NOVA1: variants seen among roughly 807,000 people sequenced by gnomAD.
The protein encoded by NOVA1 is RNA-binding protein Nova-1.
A neutral mutation model predicts 38.0 loss-of-function variants in NOVA1; 7 were observed. The ratio of observed to expected loss-of-function variants is 0.18; its 90% CI spans 0.10 to 0.35. The LOEUF is 0.35. NOVA1 is among the 10% of genes least tolerant of loss of function. The pLI is 1.00. For synonymous variants in NOVA1, 270 were observed against 232.5 expected (o/e 1.16, Z -1.47); for missense variants, 460 against 616.0 (o/e 0.75, Z 2.68).
intron 2 of NOVA1, among the ~76,000 whole-genome samples, chr14:26,586,784 T>A (rs1020606321): frequency 2.6e-5 from 4 of 151,122 alleles, no homozygotes; most frequent in Non-Finnish European, 5.9e-5. Context: ...ATATAACCTA[T>A]GATATCCTTT....
chr14:26,515,944 C>T (rs1017116370), intron 2 of NOVA1, among the ~76,000 whole-genome samples: 11 of 151,944 alleles, frequency 7.2e-5, no homozygotes, highest in African/African-American at 2.4e-4. Flanking sequence ...AGAACACAAA[C>T]GTATGTTCAA....
At chr14:26,511,539 G>A (rs1031130035) in intron 2 of NOVA1, among the ~76,000 whole-genome samples, 3 of 151,942 alleles carry the variant, frequency 2.0e-5, no homozygotes, top group Admixed American at 2.0e-4. Flanking sequence ...AGGCTGAGGC[G>A]GGCAGATCAC....
intron 2 of NOVA1, among the ~76,000 whole-genome samples, chr14:26,520,174 T>C (rs961588642): frequency 3.3e-5 from 5 of 152,354 alleles, no homozygotes; most frequent in Admixed American, 1.3e-4. Flanking sequence ...TCATGTAAAG[T>C]TGACCTTTCA....
intron 2 of NOVA1, among the ~76,000 whole-genome samples, chr14:26,577,083 A>G (rs550842185): frequency 6.6e-6 from 1 of 152,144 alleles, no homozygotes; most frequent in South Asian, 2.1e-4. Flanking sequence ...TAGATTCCAC[A>G]TACAAATAAG....
intron 2 of NOVA1, among the ~76,000 whole-genome samples, chr14:26,543,984 C>A (rs141242513): frequency 4.5e-4 from 69 of 151,984 alleles, no homozygotes; most frequent in Non-Finnish European, 8.0e-4. Context: ...AGAATTTAGT[C>A]TATGATCTAG....
intron 2 of NOVA1, among the ~76,000 whole-genome samples, chr14:26,539,543 G>GTATA (rs1890319616): frequency 6.6e-6 from 1 of 151,878 alleles, no homozygotes; most frequent in Non-Finnish European, 1.5e-5. Flanking sequence ...ATATATATGT[G>GTATA]TATATGCCTT....
At chr14:26,576,626 T>C (rs1327618899) in intron 2 of NOVA1, among the ~76,000 whole-genome samples, 1 of 151,828 alleles carries the variant, frequency 6.6e-6, no homozygotes, top group Non-Finnish European at 1.5e-5. Flanking sequence ...TATATACACA[T>C]ACCACCTGAT....
At chr14:26,540,891 G>C (rs1469402583) in intron 2 of NOVA1, among the ~76,000 whole-genome samples, 1 of 152,182 alleles carries the variant, frequency 6.6e-6, no homozygotes, top group African/African-American at 2.4e-5. Context: ...AGGAAATACA[G>C]TGGTAAAACT....
chr14:26,535,594 T>C (rs116135125), intron 2 of NOVA1, among the ~76,000 whole-genome samples: 3 of 152,120 alleles, frequency 2.0e-5, no homozygotes, highest in African/African-American at 7.2e-5. Context: ...CAAAAAAATT[T>C]AGCATGATTA....
At chr14:26,510,758 G>C (rs1366840203) in intron 2 of NOVA1, among the ~76,000 whole-genome samples, 2 of 151,938 alleles carry the variant, frequency 1.3e-5, no homozygotes, top group Admixed American at 6.6e-5. Flanking sequence ...AAAACTTTTT[G>C]GTTTCTCCTC....
chr14:26,573,528 G>C (rs762609302), intron 2 of NOVA1, among the ~76,000 whole-genome samples: 7 of 151,922 alleles, frequency 4.6e-5, no homozygotes, highest in Non-Finnish European at 1.0e-4. Flanking sequence ...AGATCCAAAA[G>C]AATGAGATAA....
chr14:26,568,049 T>C (rs368893009), intron 2 of NOVA1, among the ~76,000 whole-genome samples: 4 of 152,286 alleles, frequency 2.6e-5, no homozygotes, highest in African/African-American at 7.2e-5. Flanking sequence ...AAAGGGAATC[T>C]TGGGAACTGC....
At chr14:26,480,250 T>C in intron 2 of NOVA1, 107 bp from the exon 3 acceptor site, 1 of 891,090 alleles carries the variant, frequency 1.1e-6, no homozygotes, top group Admixed American at 2.8e-5. Flanking sequence ...TGCAGAACTC[T>C]AACGTAAAAC....
At chr14:26,596,519 G>C (rs577565292) in intron 1 of NOVA1, 1 of 1,279,574 alleles carries the variant, frequency 7.8e-7, no homozygotes, top group African/African-American at 1.5e-5. Context: ...GTTGTGGTGT[G>C]CCACTCAAAA....
chr14:26,475,224 G>T (rs1884888935), intron 3 of NOVA1, among the ~76,000 whole-genome samples: 2 of 151,692 alleles, frequency 1.3e-5, no homozygotes, highest in Admixed American at 6.6e-5. Flanking sequence ...TACAGACAGG[G>T]TCTCGCTTTG....
At chr14:26,564,828 C>A (rs909234827) in intron 2 of NOVA1, among the ~76,000 whole-genome samples, 7 of 152,124 alleles carry the variant, frequency 4.6e-5, no homozygotes, top group African/African-American at 1.7e-4. Flanking sequence ...TGGTAAGTCT[C>A]ATTTAGTGTT....
In NOVA1 at chr14:26,487,184, C is replaced by A. The variant is rs140265524; in HGVS notation, c.281-7041G>T. Among the ~76,000 whole-genome samples, 13 of 152,220 alleles carry A rather than the reference C, an allele frequency of 8.5e-5. No individual in the cohort carries two copies. In the East Asian group the frequency reaches 2.5e-3, roughly 29 times the overall value. ...AGTCGCAGCAATGTAGTAGTACATT[C>A]TTTCAGGGGAAAGTATATACTTAAC... On this transcript the variant is annotated intron_variant, in intron 2 of 4. Transcript: ENST00000539517.
At chr14:26,464,370 A>G (rs1883946799) in intron 4 of NOVA1, among the ~76,000 whole-genome samples, 1 of 152,230 alleles carries the variant, frequency 6.6e-6, no homozygotes. Context: ...CATGCTGTAT[A>G]GGTTTGTAGC....
At chr14:26,563,907 A>G (rs1357484942) in intron 2 of NOVA1, among the ~76,000 whole-genome samples, 3 of 152,122 alleles carry the variant, frequency 2.0e-5, no homozygotes, top group Non-Finnish European at 4.4e-5. Flanking sequence ...AAAAGCCTTC[A>G]TCCGGTGGTT....
Sources: gnomAD v4.1 joint callset for allele counts (sites outside exome capture counted in the v4.1 genomes callset) on GRCh38, gnomAD v4.1.1 for gene constraint, MANE v1.5 for transcripts, NCBI Gene and HGNC (gene_info 2026-07-23, HGNC 2026-07-21) for gene names.